Variants in SGCZ observed in about 807,000 individuals in gnomAD.
SGCZ encodes the protein zeta-sarcoglycan.
A neutral mutation model predicts 41.3 loss-of-function variants in SGCZ; 40 were observed. The ratio of observed to expected loss-of-function variants is 0.97; its 90% CI spans 0.75 to 1.26. The LOEUF is 1.26. Ranked by LOEUF, SGCZ falls within the 50% of genes most tolerant of loss-of-function variation. The pLI, the probability that SGCZ is intolerant of heterozygous loss-of-function variation, is 0.00. For missense variants in SGCZ, 552 were observed against 369.8 expected (o/e 1.49, Z -4.04); for synonymous variants, 206 against 137.5 (o/e 1.50, Z -3.49).
chr8:14,261,361 T>A (rs1799659255), intron 3 of SGCZ, among the ~76,000 whole-genome samples: 1 of 152,160 alleles, frequency 6.6e-6, no homozygotes, highest in East Asian at 1.9e-4. Flanking sequence ...AAATTCAGCG[T>A]AGGTTTTAAA....
intron 5 of SGCZ, among the ~76,000 whole-genome samples, chr8:14,109,302 T>G (rs765335741): frequency 7.7e-4 from 118 of 152,288 alleles, no homozygotes; most frequent in Middle Eastern, 3.4e-3. Flanking sequence ...CAGATTCTCA[T>G]AGCTTTTTCA....
intron 4 of SGCZ, among the ~76,000 whole-genome samples, chr8:14,171,523 A>AT (rs1804381362): frequency 6.6e-6 from 1 of 152,014 alleles, no homozygotes; most frequent in Admixed American, 6.6e-5. Context: ...GAAATTTCAA[A>AT]TTTTTTCTCT....
chr8:14,190,135 C>A (rs1228925790), intron 4 of SGCZ, among the ~76,000 whole-genome samples: 4 of 150,408 alleles, frequency 2.7e-5, no homozygotes, highest in Admixed American at 6.7e-5. Flanking sequence ...GCCTCAGCCT[C>A]CTGAGTAGCT....
intron 2 of SGCZ, among the ~76,000 whole-genome samples, chr8:14,476,550 T>C: frequency 6.6e-6 from 1 of 152,238 alleles, no homozygotes; most frequent in South Asian, 2.1e-4. Flanking sequence ...GATGCCACAT[T>C]TCTCTCTCTA....
At chr8:14,118,723 T>C (rs1802600413) in intron 5 of SGCZ, among the ~76,000 whole-genome samples, 1 of 152,210 alleles carries the variant, frequency 6.6e-6, no homozygotes, top group Non-Finnish European at 1.5e-5. Context: ...TAATCCATCT[T>C]GAGTTAATTT....
chr8:14,112,215 C>A (rs375189358), intron 5 of SGCZ, among the ~76,000 whole-genome samples: 1 of 147,176 alleles, frequency 6.8e-6, no homozygotes, highest in Non-Finnish European at 1.5e-5. Flanking sequence ...CAAATGAGAA[C>A]TTTTGCTGGC....
intron 1 of SGCZ, among the ~76,000 whole-genome samples, chr8:14,616,956 A>T (rs918853287): frequency 2.6e-5 from 4 of 152,148 alleles, no homozygotes; most frequent in African/African-American, 9.7e-5. Context: ...TATATAAAAT[A>T]GCCATTTCTT....
intron 1 of SGCZ, among the ~76,000 whole-genome samples, chr8:14,596,185 G>A (rs1368485750): frequency 6.6e-6 from 1 of 152,166 alleles, no homozygotes; most frequent in Non-Finnish European, 1.5e-5. Context: ...TGAATGAATT[G>A]ATAGCCCCAG....
At chr8:15,081,501 T>G (rs1043885356) in intron 1 of SGCZ, among the ~76,000 whole-genome samples, 1 of 152,008 alleles carries the variant, frequency 6.6e-6, no homozygotes. Flanking sequence ...GGCTTTTTTT[T>G]TTTTTTACCC....
At chr8:14,239,611 T>A (rs1019628108) in intron 3 of SGCZ, among the ~76,000 whole-genome samples, 6 of 152,098 alleles carry the variant, frequency 3.9e-5, no homozygotes, top group Non-Finnish European at 8.8e-5. Flanking sequence ...ATTTATAGAC[T>A]ATGTAAGTAT....
intron 1 of SGCZ, among the ~76,000 whole-genome samples, chr8:14,939,881 G>A (rs1335519704): frequency 1.3e-5 from 2 of 152,094 alleles, no homozygotes; most frequent in Non-Finnish European, 2.9e-5. Flanking sequence ...CCACATTGAT[G>A]TCAGCTCAAG....
chr8:14,510,595 A>C (rs1388088096), intron 2 of SGCZ, among the ~76,000 whole-genome samples: 1 of 152,160 alleles, frequency 6.6e-6, no homozygotes, highest in Non-Finnish European at 1.5e-5. Flanking sequence ...TGGTTACGCC[A>C]TCATTCAGAT....
intron 1 of SGCZ, among the ~76,000 whole-genome samples, chr8:14,636,247 A>G (rs1053566745): frequency 2.0e-4 from 31 of 152,012 alleles, no homozygotes; most frequent in African/African-American, 7.5e-4. Context: ...TTAAGAATTA[A>G]TTATTTCACA....
chr8:14,633,520 CCTTT>C (rs150530658), intron 1 of SGCZ, among the ~76,000 whole-genome samples: 3,957 of 151,892 alleles, frequency 0.026, 104 homozygotes, highest in African/African-American at 0.071. Context: ...AGCAAGCATT[CCTTT>C]CTTTCTAACT....
At chr8:14,174,745 A>T (rs1249017014) in intron 4 of SGCZ, among the ~76,000 whole-genome samples, 1 of 152,188 alleles carries the variant, frequency 6.6e-6, no homozygotes, top group Non-Finnish European at 1.5e-5. Context: ...GCTGTAATAA[A>T]GACCACAGTC....
intron 1 of SGCZ, among the ~76,000 whole-genome samples, chr8:15,049,754 G>C (rs562217449): frequency 6.6e-6 from 1 of 152,190 alleles, no homozygotes; most frequent in African/African-American, 2.4e-5. Context: ...AGCAGGGCAA[G>C]GTTATGATAA....
chr8:14,309,468 G>A lies in SGCZ; in HGVS notation c.336+14635C>T. ...TCTGATGACTGCAGTGATGATGTAT[G>A]TGGCGCTGTTGTTAATGTTAGAGCT... On this transcript the variant is annotated intron_variant, in intron 3 of 7. Transcript: ENST00000382080. The A allele has an allele frequency of 5.6e-6, 9 of 1,606,202 alleles. No individual in the cohort carries two copies. In the South Asian group the frequency reaches 8.8e-5, roughly 16 times the overall value.
chr8:15,230,342 G>C (rs1333552698), intron 1 of SGCZ, among the ~76,000 whole-genome samples: 5 of 152,030 alleles, frequency 3.3e-5, no homozygotes, highest in African/African-American at 1.2e-4. Flanking sequence ...AGATTTCCCT[G>C]GAATTTTGGC....
At chr8:14,311,101 T>A (rs1801527321) in intron 3 of SGCZ, among the ~76,000 whole-genome samples, 2 of 152,154 alleles carry the variant, frequency 1.3e-5, no homozygotes, top group Admixed American at 1.3e-4. Context: ...AAACATCAAG[T>A]GATTTTGAAT....
Sources: gnomAD v4.1 joint callset for allele counts (sites outside exome capture counted in the v4.1 genomes callset) on GRCh38, gnomAD v4.1.1 for gene constraint, MANE v1.5 for transcripts, NCBI Gene and HGNC (gene_info 2026-07-23, HGNC 2026-07-21) for gene names.